Variants in CADM1 observed in about 807,000 individuals in gnomAD.
CADM1 encodes the protein TSLC-1.
A neutral mutation model predicts 53.1 loss-of-function variants in CADM1; 15 were observed. The observed-to-expected ratio is 0.28, with a 90% CI of 0.19 to 0.44. The LOEUF is 0.44. Among genes scored for constraint, CADM1 ranks in the 20% least tolerant of loss-of-function variants. The pLI is 1.00. For missense variants in CADM1, 434 were observed against 611.3 expected (o/e 0.71, Z 3.06); for synonymous variants, 281 against 243.0 (o/e 1.16, Z -1.45).
intron 1 of CADM1, among the ~76,000 whole-genome samples, chr11:115,499,173 T>A (rs1949682133): frequency 6.6e-6 from 1 of 152,138 alleles, no homozygotes; most frequent in Non-Finnish European, 1.5e-5. Context: ...GGTAAGAAAA[T>A]CAAGCTCTGT....
intron 1 of CADM1, among the ~76,000 whole-genome samples, chr11:115,284,466 T>C (rs553492442): frequency 2.6e-5 from 4 of 151,852 alleles, no homozygotes; most frequent in African/African-American, 9.7e-5. Flanking sequence ...ACTGCTCTAC[T>C]TTACCAATTA....
At chr11:115,388,570 G>GACGTTGGGTATT (rs1565401046) in intron 1 of CADM1, among the ~76,000 whole-genome samples, 2 of 151,682 alleles carry the variant, frequency 1.3e-5, no homozygotes. Context: ...AGGGTAGAAG[G>GACGTTGGGTATT]ACATTGGGTA....
At chr11:115,271,699 G>A (rs986742628) in intron 1 of CADM1, among the ~76,000 whole-genome samples, 10 of 152,232 alleles carry the variant, frequency 6.6e-5, no homozygotes, top group African/African-American at 2.2e-4. Flanking sequence ...ATTGGAGGTA[G>A]AAATTCTCAA....
intron 1 of CADM1, among the ~76,000 whole-genome samples, chr11:115,290,243 T>C (rs1442689277): frequency 1.3e-5 from 2 of 152,300 alleles, no homozygotes; most frequent in East Asian, 1.9e-4. Context: ...GTTGAGACAC[T>C]TCTGAGGGGA....
intron 9 of CADM1, among the ~76,000 whole-genome samples, chr11:115,196,047 T>C (rs1370153802): frequency 6.6e-6 from 1 of 152,226 alleles, no homozygotes; most frequent in Non-Finnish European, 1.5e-5. Flanking sequence ...GTATTCTTCA[T>C]GCACTGCTAG....
chr11:115,203,826 T>C (rs1940551972), intron 8 of CADM1, among the ~76,000 whole-genome samples: 1 of 152,122 alleles, frequency 6.6e-6, no homozygotes, highest in African/African-American at 2.4e-5. Flanking sequence ...GCTGGTTAGC[T>C]ATGTTGTTAT....
At chr11:115,346,809 T>G (rs970218439) in intron 1 of CADM1, among the ~76,000 whole-genome samples, 10 of 152,144 alleles carry the variant, frequency 6.6e-5, no homozygotes, top group Admixed American at 3.3e-4. Context: ...TTGTTGGTGT[T>G]CAATTGTTCC....
At chr11:115,425,051 C>T (rs1331904224) in intron 1 of CADM1, among the ~76,000 whole-genome samples, 1 of 152,066 alleles carries the variant, frequency 6.6e-6, no homozygotes, top group Non-Finnish European at 1.5e-5. Flanking sequence ...GGTTAGAATT[C>T]AATAAGCTCA....
chr11:115,238,924 C>T (rs1942113709), intron 2 of CADM1, among the ~76,000 whole-genome samples: 1 of 152,030 alleles, frequency 6.6e-6, no homozygotes. Flanking sequence ...ACCCTTCTAA[C>T]TTGGCACAAT....
intron 8 of CADM1, among the ~76,000 whole-genome samples, chr11:115,202,172 A>G (rs1940461112): frequency 1.9e-5 from 2 of 106,396 alleles, no homozygotes; most frequent in Admixed American, 1.2e-4. Flanking sequence ...AGACACTAGC[A>G]ATTTAACTAA....
At position 115,178,778 on chromosome 11, in the gene CADM1, G is replaced by A. The variant is rs2134585216; in HGVS notation, c.1166-3C>T. On this transcript the variant is annotated splice_polypyrimidine_tract_variant and splice_region_variant and intron_variant, in intron 10 of 11. Transcript: ENST00000331581. ...GCCTTCTTCACCTGCTCGGGAATCT[G>A]TTAAAATCAGAAGAGGAATAGGGAT... The A allele has an allele frequency of 6.2e-7, 1 of 1,613,922 alleles. No homozygotes were observed. Among genetic ancestry groups the A allele is most frequent in the Non-Finnish European group, 8.5e-7 (1 of 1,179,964 alleles).
intron 1 of CADM1, among the ~76,000 whole-genome samples, chr11:115,328,214 G>A (rs1364493735): frequency 6.6e-6 from 1 of 151,744 alleles, no homozygotes; most frequent in East Asian, 1.9e-4. Context: ...AACCTTTTGA[G>A]GGCCTAAAAC....
At chr11:115,299,888 A>C (rs2135132198) in intron 1 of CADM1, among the ~76,000 whole-genome samples, 1 of 152,280 alleles carries the variant, frequency 6.6e-6, no homozygotes, top group African/African-American at 2.4e-5. Context: ...TAAAAATGGG[A>C]GAAATACACT....
chr11:115,370,670 G>A (rs774359311), intron 1 of CADM1, among the ~76,000 whole-genome samples: 1 of 152,124 alleles, frequency 6.6e-6, no homozygotes, highest in African/African-American at 2.4e-5. Context: ...ATACATTTCC[G>A]TTGTTTAAGC....
chr11:115,423,813 T>C (rs758522377), intron 1 of CADM1, among the ~76,000 whole-genome samples: 2 of 152,324 alleles, frequency 1.3e-5, no homozygotes, highest in African/African-American at 4.8e-5. Flanking sequence ...GTTGAAGTAA[T>C]AGAGGTTGCC....
intron 1 of CADM1, among the ~76,000 whole-genome samples, chr11:115,467,340 G>C (rs952135828): frequency 6.6e-6 from 1 of 152,180 alleles, no homozygotes; most frequent in Non-Finnish European, 1.5e-5. Context: ...GAATGAGCTC[G>C]AATACGCAAA....
intron 1 of CADM1, among the ~76,000 whole-genome samples, chr11:115,342,514 C>G (rs1382865301): frequency 1.3e-5 from 2 of 152,144 alleles, no homozygotes; most frequent in African/African-American, 4.8e-5. Context: ...CTAGTATATG[C>G]ACTTAAACCC....
intron 10 of CADM1, among the ~76,000 whole-genome samples, chr11:115,183,084 GGC>G (rs1167627509): frequency 2.6e-5 from 4 of 152,142 alleles, no homozygotes; most frequent in African/African-American, 9.7e-5. Flanking sequence ...CAGTTGACCT[GGC>G]CCGATCCATT....
rs1003425040 is a variant in CADM1 at position 115,458,644 on chromosome 11, C to T, written c.124+45627G>A. 7.9e-5 allele frequency among the ~76,000 whole-genome samples: 12 copies of T among 151,896 alleles called. No individual in the cohort carries two copies. In the South Asian group the frequency reaches 2.3e-3, roughly 29 times the overall value. ...AAGGGGAGAGTGTTTTCCCCCCATC[C>T]ACATTTAGCATTGATCTCATTTCTA... On this transcript the variant is annotated intron_variant, in intron 1 of 11. Transcript: ENST00000331581.
Sources: allele counts gnomAD v4.1 joint callset (sites outside exome capture counted in the v4.1 genomes callset), GRCh38; gene constraint gnomAD v4.1.1; transcripts MANE v1.5; gene names NCBI Gene and HGNC (gene_info 2026-07-23, HGNC 2026-07-21).